Variants in FGL1 observed in about 807,000 individuals in gnomAD.
The protein encoded by FGL1 is fibrinogen-like protein 1.
In FGL1, 59 loss-of-function variants were observed where a neutral mutation model predicts 43.7. The observed-to-expected ratio is 1.35, with a 90% CI of 1.10 to 1.68. The LOEUF (loss-of-function observed/expected upper bound fraction) is 1.68. Ranked by LOEUF, FGL1 falls within the 40% of genes most tolerant of loss-of-function variation. The probability of loss-of-function intolerance (pLI) is 0.00; values close to 1 mark genes in which losing one functional copy is unlikely to be tolerated. For synonymous variants in FGL1, 192 were observed against 126.5 expected (o/e 1.52, Z -3.48); for missense variants, 596 against 373.0 (o/e 1.60, Z -4.92).
chr8:17,878,884 A>G (rs1009470095), intron 3 of FGL1, among the ~76,000 whole-genome samples: 11 of 151,232 alleles, frequency 7.3e-5, no homozygotes, highest in African/African-American at 2.2e-4. Context: ...AAGTTCTTAT[A>G]TATTTTATAC....
rs2053306226 is a variant in FGL1, at chr8:17,868,581, G to T, written c.746C>A (p.Ala249Glu). 1 of 1,613,746 alleles carries T rather than the reference G, an allele frequency of 6.2e-7. No individual in the cohort carries two copies. The highest frequency in any genetic ancestry group is 1.3e-5 in the African/African-American group (1 of 75,020). The change falls in exon 7 of 8, where the codon GCA (alanine) becomes GAA (glutamate). Residue 249 changes from alanine (A) to glutamate (E), a missense_variant. By Grantham distance (107) the Ala-to-Glu change is moderately radical. Coordinates refer to ENST00000427924, the MANE Select transcript of FGL1 (RefSeq NM_004467.4). ...CCACCAGCCAGACTGATCTTCTTCT[G>T]CGCAGTTCCCTTCATAGTTGTCATG... ...RDHDNYEGNCAEEDQSGWWFN... is the reference protein window; with the variant it reads ...RDHDNYEGNCEEEDQSGWWFN...
In FGL1 at chr8:17,868,999, A is replaced by G; in HGVS notation, c.508T>C (p.Tyr170His). The change falls in exon 6 of 8, where the codon TAC (tyrosine) becomes CAC (histidine). Residue 170 changes from tyrosine to histidine, a missense_variant. Coordinates refer to ENST00000427924, the MANE Select transcript of FGL1 (RefSeq NM_004467.4). ...NLHFLTTQED[Y>H]TLKIDLADFE... ...TCTGCAAGGTCGATTTTTAAAGTGT[A>G]GTCTTCTAAAAAAGAAACAAGCAAT... The G allele has an allele frequency of 1.9e-6, 3 of 1,591,924 alleles. No individual in the cohort carries two copies. Among genetic ancestry groups the G allele is most frequent in the Non-Finnish European group, 2.6e-6 (3 of 1,167,018 alleles).
At position 17,882,210 on chromosome 8, in the gene FGL1, C is replaced by T. The variant is rs377460541; in HGVS notation, c.64-31G>A. 1.7e-5 allele frequency: 27 copies of T among 1,548,400 alleles called. No homozygotes were observed. In the African/African-American group the frequency reaches 3.3e-4, roughly 19 times the overall value. ...AAACAGGTGAGATGAGATGAGTATGCACCTCATTTTCATGGAAAACAAGTG... is the reference window on the plus strand; with the variant it reads ...AAACAGGTGAGATGAGATGAGTATGTACCTCATTTTCATGGAAAACAAGTG... On this transcript the variant is annotated intron_variant, in intron 2 of 7. Coordinates refer to ENST00000427924, the MANE Select transcript of FGL1 (RefSeq NM_004467.4).
At chr8:17,884,734 T>C (rs994952179) in intron 2 of FGL1, among the ~76,000 whole-genome samples, 1 of 152,210 alleles carries the variant, frequency 6.6e-6, no homozygotes, top group Non-Finnish European at 1.5e-5. Context: ...AGGTCAAGTA[T>C]GCCCAATCTT....
At chr8:17,879,620 C>G (rs1256492206) in intron 3 of FGL1, among the ~76,000 whole-genome samples, 1 of 152,118 alleles carries the variant, frequency 6.6e-6, no homozygotes, top group Non-Finnish European at 1.5e-5. Context: ...TGAGATGTGC[C>G]TGCTTCTGCT....
At chr8:17,870,979 A>G (rs948957519) in intron 5 of FGL1, among the ~76,000 whole-genome samples, 2 of 152,052 alleles carry the variant, frequency 1.3e-5, no homozygotes, top group Non-Finnish European at 2.9e-5. Flanking sequence ...ATCCTGAAGG[A>G]GTCCTATAAA....
At chr8:17,872,148 T>C (rs2053372959) in intron 5 of FGL1, among the ~76,000 whole-genome samples, 1 of 152,040 alleles carries the variant, frequency 6.6e-6, no homozygotes, top group African/African-American at 2.4e-5. Flanking sequence ...AAAGAAAGTA[T>C]AAGGTTTCTA....
chr8:17,877,516 A>T (rs2053473920), intron 3 of FGL1, among the ~76,000 whole-genome samples: 1 of 152,068 alleles, frequency 6.6e-6, no homozygotes, highest in Non-Finnish European at 1.5e-5. Context: ...ACACAAAAAG[A>T]GGTAAGCAAC....
chr8:17,883,363 A>G lies in FGL1; in HGVS notation c.64-1184T>C, dbSNP rs1224421241. Among the ~76,000 whole-genome samples, 3 of 42,548 alleles carry G rather than the reference A, an allele frequency of 7.1e-5. 1 individual carries two copies. Among genetic ancestry groups the G allele is most frequent in the African/African-American group, 2.3e-4 (3 of 12,902 alleles). The allele number at this position is 42,548 out of a possible 152,430, so 27.9% of individuals were successfully genotyped here. ...ATAATATATAATATAATAATAATAT[A>G]TAATATATAAAATAATATACAATAT... is the stretch of plus-strand genomic sequence containing the variant. On this transcript the variant is annotated intron_variant, in intron 2 of 7. Coordinates refer to ENST00000427924, the MANE Select transcript of FGL1 (RefSeq NM_004467.4).
chr8:17,880,989 T>C (rs1179676741), intron 3 of FGL1, among the ~76,000 whole-genome samples: 3 of 152,206 alleles, frequency 2.0e-5, no homozygotes, highest in Non-Finnish European at 4.4e-5. Flanking sequence ...TTTTTCCTTT[T>C]TCTGCTCCTT....
chr8:17,880,717 T>C (rs182986140), intron 3 of FGL1, among the ~76,000 whole-genome samples: 6 of 152,284 alleles, frequency 3.9e-5, no homozygotes, highest in Admixed American at 2.0e-4. Context: ...AGAATAGACA[T>C]ATGGACAAAG....
chr8:17,868,312 A>G (rs181027721), intron 7 of FGL1: 14 of 315,452 alleles, frequency 4.4e-5, no homozygotes, highest in African/African-American at 3.0e-4. Context: ...TCAGTTTGCA[A>G]ATGATCTTTG....
At chr8:17,894,182 C>T (rs7017176) in intron 1 of FGL1, among the ~76,000 whole-genome samples, 90,611 of 146,064 alleles carry the variant, frequency 0.62, 31,693 homozygotes, top group Middle Eastern at 0.73. Flanking sequence ...TAGTAGCATG[C>T]AAACATTTCA....
At chr8:17,866,223 C>A (rs1301688041) in intron 7 of FGL1, among the ~76,000 whole-genome samples, 1 of 152,110 alleles carries the variant, frequency 6.6e-6, no homozygotes, top group Non-Finnish European at 1.5e-5. Flanking sequence ...TTAGAACAGC[C>A]TGGATTTGAA....
intron 7 of FGL1, chr8:17,868,233 C>G (rs1020740454): frequency 2.4e-4 from 44 of 180,654 alleles, no homozygotes; most frequent in Non-Finnish European, 4.3e-4. Context: ...CAAATAGTCT[C>G]CATATATATA....
chr8:17,871,102 C>T (rs965320879), intron 5 of FGL1, among the ~76,000 whole-genome samples: 1 of 151,974 alleles, frequency 6.6e-6, no homozygotes, highest in Non-Finnish European at 1.5e-5. Context: ...AATTTCCTTG[C>T]CCCAGGGAGC....
Position 17,868,752 on chromosome 8 carries a change from T to G in FGL1, c.592-17A>C. Reference sequence around the variant, plus strand: ...GTAGAAATTCTAAAGAAAAAGGGCATTTCTGCTGTCAGTGGAGTTCCTCTA... The same window carrying G: ...GTAGAAATTCTAAAGAAAAAGGGCAGTTCTGCTGTCAGTGGAGTTCCTCTA... On this transcript the variant is annotated splice_polypyrimidine_tract_variant and intron_variant, in intron 6 of 7. Transcript: ENST00000427924. 1 of 1,602,488 alleles carries G rather than the reference T, an allele frequency of 6.2e-7. No homozygotes were observed. The highest frequency in any genetic ancestry group is 8.5e-7 in the Non-Finnish European group (1 of 1,174,300).
chr8:17,880,394 T>C (rs1337445202), intron 3 of FGL1, among the ~76,000 whole-genome samples: 1 of 152,260 alleles, frequency 6.6e-6, no homozygotes, highest in Non-Finnish European at 1.5e-5. Context: ...TCCTATATCC[T>C]ACACTTGTAT....
chr8:17,868,818 C>G, intron 6 of FGL1, 83 bp from the exon 7 acceptor site: 1 of 1,479,798 alleles, frequency 6.8e-7, no homozygotes, highest in South Asian at 1.3e-5. Context: ...AACAAAAGAA[C>G]AGGTTCTATT....
Sources: allele counts gnomAD v4.1 joint callset (sites outside exome capture counted in the v4.1 genomes callset), GRCh38; gene constraint gnomAD v4.1.1; transcripts MANE v1.5; gene names NCBI Gene and HGNC (gene_info 2026-07-23, HGNC 2026-07-21).